The following USP15 variants were observed in gnomAD, a reference collection of about 807,000 sequenced individuals.
The protein encoded by USP15 is ubiquitin carboxyl-terminal hydrolase 15.
A neutral mutation model predicts 127.1 loss-of-function variants in USP15; 18 were observed. That is an observed-to-expected ratio of 0.14 (90% CI 0.10 to 0.21). USP15 has a LOEUF of 0.21. USP15 is among the 10% of genes least tolerant of loss of function. USP15 has a pLI of 1.00. For missense variants in USP15, 805 were observed against 1,159.9 expected (o/e 0.69, Z 4.44); for synonymous variants, 364 against 393.7 (o/e 0.92, Z 0.89).
rs943804155 is a variant in USP15 at position 62,397,225 on chromosome 12, G to C, written c.2674+827G>C. ...AGTTTTTTATATTTTCATTATCTTA[G>C]TTTGGAATAAAGATTAGAGTCATAA... is the stretch of plus-strand genomic sequence containing the variant. On this transcript the variant is annotated intron_variant, in intron 20 of 21. Coordinates refer to ENST00000280377, the MANE Select transcript of USP15 (RefSeq NM_001252078.2). 3.9e-5 allele frequency among the ~76,000 whole-genome samples: 6 copies of C among 152,086 alleles called. 1 individual carries two copies. The highest frequency in any genetic ancestry group is 3.3e-4 in the Admixed American group (5 of 15,278).
At chr12:62,372,799 A>G (rs2066716549) in intron 8 of USP15, among the ~76,000 whole-genome samples, 1 of 152,106 alleles carries the variant, frequency 6.6e-6, no homozygotes, top group Non-Finnish European at 1.5e-5. Context: ...AAATAACGTA[A>G]TTTAACATTA....
chr12:62,333,102 T>A (rs2065352870), intron 6 of USP15, among the ~76,000 whole-genome samples: 1 of 152,252 alleles, frequency 6.6e-6, no homozygotes, highest in African/African-American at 2.4e-5. Context: ...TTGGAAATGA[T>A]GCATAGACTC....
At chr12:62,344,525 A>G (rs897328709) in intron 6 of USP15, among the ~76,000 whole-genome samples, 10 of 152,158 alleles carry the variant, frequency 6.6e-5, no homozygotes, top group African/African-American at 2.4e-4. Context: ...GCACAGTGCA[A>G]GCTGTCAGTA....
intron 6 of USP15, among the ~76,000 whole-genome samples, chr12:62,326,243 G>A (rs1489428419): frequency 6.6e-6 from 1 of 152,064 alleles, no homozygotes; most frequent in Non-Finnish European, 1.5e-5. Context: ...CTTTTTCGTG[G>A]TTTTTAAAAG....
Position 62,349,227 on chromosome 12 carries a change from A to G in USP15, c.690A>G (p.Pro230=), listed in dbSNP as rs1164138092. The change falls in exon 7 of 22, where the codon CCA becomes CCG. Residue 230 remains proline, a synonymous_variant. Transcript: ENST00000280377. ...WPRGPSTPKS[P]GASNFSTLPK... ...CATTTTCATATTTTTAAAGGTCCCC[A>G]GGTGCATCCAATTTTTCAACTTTAC... 151 of 1,496,806 alleles carry G rather than the reference A, an allele frequency of 1.0e-4. No homozygotes were observed. Among genetic ancestry groups the G allele is most frequent in the Non-Finnish European group, 1.3e-4 (150 of 1,125,322 alleles). 92.7% of individuals were successfully genotyped at this position (1,496,806 alleles called of 1,614,324 possible).
At chr12:62,319,533 C>T (rs1592577633) in intron 4 of USP15, among the ~76,000 whole-genome samples, 1 of 152,182 alleles carries the variant, frequency 6.6e-6, no homozygotes, top group East Asian at 1.9e-4. Flanking sequence ...TATAATCCTA[C>T]AGAAGTACCT....
intron 2 of USP15, among the ~76,000 whole-genome samples, chr12:62,298,778 G>A (rs1335230483): frequency 4.8e-5 from 7 of 145,676 alleles, no homozygotes; most frequent in African/African-American, 7.7e-5. Flanking sequence ...GTATGGAGCC[G>A]AGATTGTACC....
intron 4 of USP15, among the ~76,000 whole-genome samples, chr12:62,320,837 A>T (rs2064965553): frequency 6.6e-6 from 1 of 152,090 alleles, no homozygotes; most frequent in South Asian, 2.1e-4. Context: ...AAATATTTTG[A>T]TTACTATTTT....
At chr12:62,359,971 C>T (rs2066264096) in intron 8 of USP15, among the ~76,000 whole-genome samples, 1 of 151,988 alleles carries the variant, frequency 6.6e-6, no homozygotes, top group Non-Finnish European at 1.5e-5. Context: ...AGAGAATGCC[C>T]AGTTTTTAAA....
rs2067064813 is a variant in USP15, at chr12:62,383,914, A to G, written c.1164A>G (p.Leu388=). The G allele has an allele frequency of 3.1e-6, 5 of 1,612,950 alleles. No individual in the cohort carries two copies. Among genetic ancestry groups the G allele is most frequent in the East Asian group, 2.2e-5 (1 of 44,848 alleles). The change falls in exon 10 of 22, where the codon CTA becomes CTG. Residue 388 remains leucine (L), a synonymous_variant. Coordinates refer to ENST00000280377, the MANE Select transcript of USP15 (RefSeq NM_001252078.2). ...ACTGTCAAGAACTGTTAGCTTTCCT[A>G]TTAGATGGATTACATGAGGATTTGA... ...QQDCQELLAF[L]LDGLHEDLNR...
In USP15 at chr12:62,404,573, A is replaced by T. The variant is rs2067807415; in HGVS notation, c.*198A>T. Reference sequence around the variant, plus strand: ...AAACTTTAACAGAAATTGTCTCTTAATACATTTACAGTCTTGTATTTACAA... The same window carrying T: ...AAACTTTAACAGAAATTGTCTCTTATTACATTTACAGTCTTGTATTTACAA... On this transcript the variant is annotated 3_prime_UTR_variant, in exon 22 of 22. Coordinates refer to ENST00000280377, the MANE Select transcript of USP15 (RefSeq NM_001252078.2). 3 of 593,686 alleles carry T rather than the reference A, an allele frequency of 5.1e-6. No homozygotes were observed. Among genetic ancestry groups the T allele is most frequent in the Non-Finnish European group, 7.4e-6 (3 of 403,730 alleles). The allele number at this position is 593,686 out of a possible 1,614,324, so 36.8% of individuals were successfully genotyped here.
intron 6 of USP15, among the ~76,000 whole-genome samples, chr12:62,329,728 A>G (rs1390875124): frequency 6.6e-6 from 1 of 152,228 alleles, no homozygotes; most frequent in Non-Finnish European, 1.5e-5. Flanking sequence ...AAAAAATGAA[A>G]GTAAATGAGA....
At chr12:62,369,389 A>G (rs1486912549) in intron 8 of USP15, among the ~76,000 whole-genome samples, 3 of 151,858 alleles carry the variant, frequency 2.0e-5, no homozygotes, top group Non-Finnish European at 4.4e-5. Context: ...CGTATCAGAA[A>G]TCCGTTTTGC....
rs1279140284 is a variant in USP15 at position 62,410,455 on chromosome 12, A to G, written c.*6080A>G. 6.6e-6 allele frequency: 1 copy of G among 152,088 alleles called. No homozygotes were observed. The highest frequency in any genetic ancestry group is 1.5e-5 in the Non-Finnish European group (1 of 67,988). 9.4% of individuals were successfully genotyped at this position (152,088 alleles called of 1,614,324 possible). A position where few individuals can be genotyped will look rare whatever the true frequency, so the allele number is the denominator to read the frequency against. On this transcript the variant is annotated 3_prime_UTR_variant, in exon 22 of 22. Coordinates refer to ENST00000280377, the MANE Select transcript of USP15 (RefSeq NM_001252078.2). ...AAAGAATTCCTGTAGGTCTCCCTTA[A>G]ATAGTGACTTTGGTAAAGCTTTTTA...
intron 1 of USP15, 82 bp downstream of exon 1, chr12:62,260,585 T>C: frequency 2.2e-6 from 3 of 1,353,074 alleles, no homozygotes; most frequent in Non-Finnish European, 3.1e-6. Flanking sequence ...GTTCTTTCGC[T>C]AGTGACAGGT....
intron 8 of USP15, among the ~76,000 whole-genome samples, chr12:62,370,409 G>T (rs1181606285): frequency 6.6e-6 from 1 of 152,050 alleles, no homozygotes; most frequent in Non-Finnish European, 1.5e-5. Context: ...TCTCACCATA[G>T]CCTGTCAGCT....
intron 1 of USP15, among the ~76,000 whole-genome samples, chr12:62,293,740 A>G (rs1565825697): frequency 6.6e-6 from 1 of 152,192 alleles, no homozygotes; most frequent in South Asian, 2.1e-4. Flanking sequence ...GATTATGATT[A>G]TTATAATTAA....
chr12:62,276,662 AC>A (rs1277281150), intron 1 of USP15, among the ~76,000 whole-genome samples: 1 of 152,104 alleles, frequency 6.6e-6, no homozygotes, highest in Non-Finnish European at 1.5e-5. Flanking sequence ...TGAATACACT[AC>A]CGTATATCAG....
At chr12:62,300,258 C>A (rs868172167) in intron 2 of USP15, among the ~76,000 whole-genome samples, 1 of 151,970 alleles carries the variant, frequency 6.6e-6, no homozygotes, top group Non-Finnish European at 1.5e-5. Context: ...CTTACATTTT[C>A]TTTTACGAGT....
Sources: allele counts gnomAD v4.1 joint callset (sites outside exome capture counted in the v4.1 genomes callset), GRCh38; gene constraint gnomAD v4.1.1; transcripts MANE v1.5; gene names NCBI Gene and HGNC (gene_info 2026-07-23, HGNC 2026-07-21).